The following FBXO9 variants were observed in gnomAD, a reference collection of about 807,000 sequenced individuals.
FBXO9 encodes F-box only protein 9.
A neutral mutation model predicts 63.7 loss-of-function variants in FBXO9; 43 were observed. The ratio of observed to expected loss-of-function variants is 0.67; its 90% CI spans 0.53 to 0.87. FBXO9 has a LOEUF of 0.87. Ranked by LOEUF, FBXO9 falls within the 40% of genes least tolerant of loss-of-function variation. The pLI is 0.00. For missense variants in FBXO9, 442 were observed against 533.2 expected (o/e 0.83, Z 1.68); for synonymous variants, 156 against 171.7 (o/e 0.91, Z 0.72).
rs1440363544 is a variant in FBXO9, at chr6:53,081,084, A to G, written c.524A>G (p.Gln175Arg). 6.2e-7 allele frequency: 1 copy of G among 1,611,510 alleles called. No homozygotes were observed. Among genetic ancestry groups the G allele is most frequent in the Non-Finnish European group, 8.5e-7 (1 of 1,179,770 alleles). The part of the protein sequence containing the change: ...KLCQPELESS[Q>R]IHISVLPMEV... ...TGTCAGCCTGAGCTTGAGAGCAGTC[A>G]GATTCACATATCAGGTGTGAATACT... Residue 175 changes from glutamine to arginine, a missense_variant, in exon 6 of 13, where the codon CAG (glutamine) becomes CGG (arginine). Transcript: ENST00000323557.
chr6:53,076,171 A>T (rs1295384134), intron 3 of FBXO9, among the ~76,000 whole-genome samples: 2 of 152,174 alleles, frequency 1.3e-5, no homozygotes, highest in Admixed American at 1.3e-4. Flanking sequence ...AAAATTTTTA[A>T]TTTTGACAAG....
At position 53,066,404 on chromosome 6, in the gene FBXO9, G is replaced by A. The variant is rs73740918; in HGVS notation, c.3+612G>A. Among the ~76,000 whole-genome samples the A allele has an allele frequency of 5.0e-3, 764 of 152,348 alleles. 4 individuals are homozygous for A. The highest frequency in any genetic ancestry group is 0.017 in the African/African-American group (687 of 41,584). Reference sequence around the variant, plus strand: ...TCCAAATGAGAGACTGAGCTAAGTTGCAGAGCTTGACAGTGCAGATTCCAT... The same window carrying A: ...TCCAAATGAGAGACTGAGCTAAGTTACAGAGCTTGACAGTGCAGATTCCAT... On this transcript the variant is annotated intron_variant, in intron 1 of 12. Transcript: ENST00000323557.
At chr6:53,069,898 CTT>C (rs752178975) in intron 1 of FBXO9, among the ~76,000 whole-genome samples, 36 of 151,176 alleles carry the variant, frequency 2.4e-4, no homozygotes, top group Non-Finnish European at 4.3e-4. Context: ...GATTAATTCT[CTT>C]TAAGTGTTTT....
At chr6:53,096,503 T>C (rs1020295589) in intron 12 of FBXO9, among the ~76,000 whole-genome samples, 1 of 152,202 alleles carries the variant, frequency 6.6e-6, no homozygotes, top group Non-Finnish European at 1.5e-5. Context: ...ATTTGGAAGG[T>C]CCTGACAACA....
intron 9 of FBXO9, chr6:53,093,163 G>A: frequency 2.6e-6 from 1 of 389,954 alleles, no homozygotes; most frequent in Non-Finnish European, 4.5e-6. Context: ...CTCTCACTTT[G>A]TTTGAAATTG....
At chr6:53,089,318 G>A (rs1227561494) in intron 7 of FBXO9, among the ~76,000 whole-genome samples, 4 of 151,888 alleles carry the variant, frequency 2.6e-5, no homozygotes, top group Non-Finnish European at 5.9e-5. Flanking sequence ...CTCGTGATCC[G>A]CCTGCCTCGG....
chr6:53,073,800 C>A lies in FBXO9; in HGVS notation c.249+161C>A, dbSNP rs1247787869. 5 of 572,074 alleles carry A rather than the reference C, an allele frequency of 8.7e-6. No homozygotes were observed. In the Admixed American group the frequency reaches 1.6e-4, roughly 18 times the overall value. 35.4% of individuals were successfully genotyped at this position (572,074 alleles called of 1,614,324 possible). On this transcript the variant is annotated intron_variant, in intron 3 of 12. Coordinates refer to ENST00000323557, the MANE Select transcript of FBXO9 (RefSeq NM_033480.3). The stretch of plus-strand genomic sequence containing the variant: ...CTAGTATACTAGTTTATATATTTCT[C>A]ACAATTTCTTCTAGGTACTTTGGAT...
chr6:53,076,838 G>C lies in FBXO9; in HGVS notation c.307+295G>C, dbSNP rs148343773. 5.7e-3 allele frequency among the ~76,000 whole-genome samples: 864 copies of C among 151,108 alleles called. 5 individuals are homozygous for C. The highest frequency in any genetic ancestry group is 0.048 in the Middle Eastern group (14 of 292). ...TTTTAAATATTTTTGATCTGTAGTTGGTTGAATCAGAGAATGTGAAACCCA... is the reference window on the plus strand; with the variant it reads ...TTTTAAATATTTTTGATCTGTAGTTCGTTGAATCAGAGAATGTGAAACCCA... On this transcript the variant is annotated intron_variant, in intron 4 of 12. Transcript: ENST00000323557.
At chr6:53,067,047 A>G (rs1009584029) in intron 1 of FBXO9, among the ~76,000 whole-genome samples, 2 of 152,230 alleles carry the variant, frequency 1.3e-5, no homozygotes, top group African/African-American at 4.8e-5. Context: ...TCCTTCAGAT[A>G]CACATTATCC....
chr6:53,091,777 GT>G (rs1763046815), intron 7 of FBXO9: 1 of 152,446 alleles, frequency 6.6e-6, no homozygotes, highest in Non-Finnish European at 1.5e-5. Context: ...CCACTGTTCT[GT>G]TTGGTTTGGG....
chr6:53,092,727 T>C lies in FBXO9; in HGVS notation c.773-7T>C. On this transcript the variant is annotated splice_polypyrimidine_tract_variant and splice_region_variant and intron_variant, in intron 8 of 12. Transcript: ENST00000323557. ...TAATTTTTAACTTTTTAAAATTATT[T>C]TCATAGGCGTGTATATCAGTAAAAC... 3 of 1,589,764 alleles carry C rather than the reference T, an allele frequency of 1.9e-6. No homozygotes were observed. Among genetic ancestry groups the C allele is most frequent in the Non-Finnish European group, 2.6e-6 (3 of 1,166,442 alleles).
rs1763279503 is a variant in FBXO9, at chr6:53,098,584, A to G, written c.*754A>G. ...AGCATGGGCAACATAACAAGACCCCATCCCTTATTAAAAGAAAAAAAAATA... is the reference window on the plus strand; with the variant it reads ...AGCATGGGCAACATAACAAGACCCCGTCCCTTATTAAAAGAAAAAAAAATA... On this transcript the variant is annotated 3_prime_UTR_variant, in exon 13 of 13. Transcript: ENST00000323557. 6.6e-6 allele frequency: 1 copy of G among 152,014 alleles called. No homozygotes were observed. Among genetic ancestry groups the G allele is most frequent in the Admixed American group, 6.6e-5 (1 of 15,254 alleles). 9.4% of individuals were successfully genotyped at this position (152,014 alleles called of 1,614,324 possible).
intron 5 of FBXO9, among the ~76,000 whole-genome samples, chr6:53,079,385 GT>G (rs1769232316): frequency 1.3e-5 from 2 of 151,998 alleles, no homozygotes; most frequent in African/African-American, 4.8e-5. Flanking sequence ...TATAAAAGAT[GT>G]TATTATTCTC....
chr6:53,073,990 A>G (rs987770121), intron 3 of FBXO9, among the ~76,000 whole-genome samples: 1 of 152,218 alleles, frequency 6.6e-6, no homozygotes, highest in East Asian at 1.9e-4. Flanking sequence ...TTCTAAATTT[A>G]TTAATAGAAC....
At chr6:53,070,914 C>T (rs1768893370) in intron 1 of FBXO9, 143 bp from the exon 2 acceptor site, 1 of 1,393,212 alleles carries the variant, frequency 7.2e-7, no homozygotes, top group African/African-American at 1.4e-5. Flanking sequence ...CAAGTGCCCC[C>T]TACAGCCTTG....
At chr6:53,082,648 C>T (rs745981451) in intron 7 of FBXO9, 30 bp downstream of exon 7, 2 of 1,460,526 alleles carry the variant, frequency 1.4e-6, no homozygotes, top group Admixed American at 1.8e-5. Context: ...GTTTTTTAAA[C>T]AACTGAGGCA....
chr6:53,077,849 T>C (rs1016598301), intron 4 of FBXO9, among the ~76,000 whole-genome samples: 7 of 152,202 alleles, frequency 4.6e-5, no homozygotes, highest in East Asian at 3.9e-4. Flanking sequence ...TCCAGAATAA[T>C]AGAACATGGC....
chr6:53,073,394 G>A, intron 2 of FBXO9, 87 bp from the exon 3 acceptor site: 2 of 1,020,178 alleles, frequency 2.0e-6, no homozygotes, highest in Non-Finnish European at 2.9e-6. Context: ...ATACGTGGAA[G>A]TAGATAGATG....
At chr6:53,072,259 C>T (rs1330846770) in intron 2 of FBXO9, among the ~76,000 whole-genome samples, 1 of 152,012 alleles carries the variant, frequency 6.6e-6, no homozygotes, top group Non-Finnish European at 1.5e-5. Context: ...ATATGCATCC[C>T]TGTTAGCAAT....
Sources: allele counts gnomAD v4.1 joint callset (sites outside exome capture counted in the v4.1 genomes callset), GRCh38; gene constraint gnomAD v4.1.1; transcripts MANE v1.5; gene names NCBI Gene and HGNC (gene_info 2026-07-23, HGNC 2026-07-21).